GRID2: variants seen among roughly 807,000 people sequenced by gnomAD.
GRID2 encodes glutamate ionotropic receptor delta type subunit 2.
A neutral mutation model predicts 114.8 loss-of-function variants in GRID2; 33 were observed. That is an observed-to-expected ratio of 0.29 (90% confidence interval 0.22 to 0.38). The LOEUF (loss-of-function observed/expected upper bound fraction) is 0.38, where lower values mean the gene tolerates loss of function less well. Ranked by LOEUF, GRID2 falls within the 10% of genes least tolerant of loss-of-function variation. GRID2 has a pLI of 1.00. For missense variants in GRID2, 1,184 were observed against 1,257.7 expected (o/e 0.94, Z 0.89); for synonymous variants, 505 against 449.9 (o/e 1.12, Z -1.55).
chr4:92,388,772 G>A (rs1229424195), intron 1 of GRID2, among the ~76,000 whole-genome samples: 1 of 151,904 alleles, frequency 6.6e-6, no homozygotes, highest in Non-Finnish European at 1.5e-5. Flanking sequence ...AAATAGACTT[G>A]ACCCTCAGTC....
Position 93,803,433 on chromosome 4 carries a change from AC to A in GRID2, c.222-3280del, listed in dbSNP as rs1216143006. Among the ~76,000 whole-genome samples the A allele has an allele frequency of 7.9e-5, 12 of 152,166 alleles. No individual in the cohort carries two copies. In the South Asian group the frequency reaches 1.5e-3, roughly 18 times the overall value. On this transcript the variant is annotated intron_variant, in intron 1 of 1. Coordinates refer to the GRID2 transcript ENST00000637838. ...AAGTTTTTTCTCCCTTCAAAACCAC[AC>A]CTTTTTTGGCCGGGTGCGGTGGCTC...
At chr4:93,160,527 G>A (rs956074831) in intron 4 of GRID2, among the ~76,000 whole-genome samples, 2 of 151,696 alleles carry the variant, frequency 1.3e-5, no homozygotes, top group African/African-American at 2.4e-5. Flanking sequence ...GGTGTTCTGT[G>A]TCCTCCAAGT....
chr4:93,512,177 G>A (rs940082390), intron 12 of GRID2, among the ~76,000 whole-genome samples: 1 of 152,110 alleles, frequency 6.6e-6, no homozygotes, highest in African/African-American at 2.4e-5. Flanking sequence ...GTATATATTA[G>A]ATGCCTATTA....
At chr4:92,803,499 A>G (rs552625883) in intron 2 of GRID2, among the ~76,000 whole-genome samples, 159 of 152,108 alleles carry the variant, frequency 1.0e-3, no homozygotes, top group Non-Finnish European at 1.7e-3. Flanking sequence ...ACTCTTCCTA[A>G]TAATAGGTAG....
intron 2 of GRID2, among the ~76,000 whole-genome samples, chr4:92,802,185 A>G (rs1740204678): frequency 6.6e-6 from 1 of 151,890 alleles, no homozygotes; most frequent in Admixed American, 6.6e-5. Flanking sequence ...GAAGGCACAG[A>G]GATTTTCCAT....
At chr4:92,793,983 T>C (rs932480414) in intron 2 of GRID2, among the ~76,000 whole-genome samples, 1 of 151,882 alleles carries the variant, frequency 6.6e-6, no homozygotes, top group Non-Finnish European at 1.5e-5. Context: ...GGTAGGGAAT[T>C]AGTCACACAT....
intron 1 of GRID2, among the ~76,000 whole-genome samples, chr4:92,457,568 A>G (rs1255051615): frequency 6.6e-6 from 1 of 152,148 alleles, no homozygotes; most frequent in African/African-American, 2.4e-5. Context: ...TCTCATCCTG[A>G]GGAAGGGTAT....
At chr4:92,653,234 G>T (rs1050607649) in intron 2 of GRID2, among the ~76,000 whole-genome samples, 1 of 149,888 alleles carries the variant, frequency 6.7e-6, no homozygotes, top group African/African-American at 2.4e-5. Flanking sequence ...TCCTGATCTC[G>T]TGATCCAGCC....
Position 92,381,867 on chromosome 4 carries a change from C to T in GRID2, c.88+77123C>T, listed in dbSNP as rs556979445. ...TTTTGGCAATGATTAGTTAGCATCCCACTTCATTTCATACTTAGTCATCCA... is the reference window on the plus strand; with the variant it reads ...TTTTGGCAATGATTAGTTAGCATCCTACTTCATTTCATACTTAGTCATCCA... On this transcript the variant is annotated intron_variant, in intron 1 of 15. Coordinates refer to ENST00000282020, the MANE Select transcript of GRID2 (RefSeq NM_001510.4). Among the ~76,000 whole-genome samples, 5 of 152,104 alleles carry T rather than the reference C, an allele frequency of 3.3e-5. No homozygotes were observed. In the South Asian group the frequency reaches 1.0e-3, roughly 32 times the overall value.
At chr4:93,481,555 G>A (rs965246399) in intron 11 of GRID2, among the ~76,000 whole-genome samples, 6 of 151,962 alleles carry the variant, frequency 3.9e-5, no homozygotes, top group African/African-American at 1.2e-4. Context: ...GTATTCATTC[G>A]GAGACTTCAG....
At chr4:92,865,705 T>C (rs563141331) in intron 2 of GRID2, among the ~76,000 whole-genome samples, 2 of 152,354 alleles carry the variant, frequency 1.3e-5, no homozygotes, top group African/African-American at 4.8e-5. Flanking sequence ...CCGTGTGTTT[T>C]TCAAATAAGT....
intron 1 of GRID2, among the ~76,000 whole-genome samples, chr4:92,470,547 C>T (rs1051087495): frequency 1.3e-5 from 2 of 151,838 alleles, no homozygotes; most frequent in African/African-American, 4.8e-5. Context: ...TTAATAGACA[C>T]TATATTTGTC....
chr4:93,728,787 T>C (rs1008761851), intron 14 of GRID2, among the ~76,000 whole-genome samples: 3 of 152,126 alleles, frequency 2.0e-5, no homozygotes, highest in East Asian at 3.9e-4. Context: ...AAGTCTGTTT[T>C]ATCAGAGACT....
intron 13 of GRID2, among the ~76,000 whole-genome samples, chr4:93,542,444 A>G (rs1183422909): frequency 6.6e-6 from 1 of 152,182 alleles, no homozygotes; most frequent in Non-Finnish European, 1.5e-5. Flanking sequence ...ATAGCCAACA[A>G]TTCTGATCGC....
intron 13 of GRID2, among the ~76,000 whole-genome samples, chr4:93,581,939 A>C (rs1560776528): frequency 6.6e-6 from 1 of 152,226 alleles, no homozygotes; most frequent in East Asian, 1.9e-4. Flanking sequence ...TCTTAAAAAC[A>C]TAAGATTTTG....
downstream of GRID2, among the ~76,000 whole-genome samples, chr4:93,775,338 T>G (rs1158937999): frequency 1.3e-5 from 2 of 152,184 alleles, no homozygotes; most frequent in South Asian, 4.1e-4. Flanking sequence ...GTCTTCTTTT[T>G]TAAAACTCTG....
At chr4:92,943,977 G>A (rs1482216796) in intron 2 of GRID2, among the ~76,000 whole-genome samples, 2 of 152,156 alleles carry the variant, frequency 1.3e-5, no homozygotes, top group African/African-American at 4.8e-5. Context: ...GGCCATGTGA[G>A]GTATCAGTCT....
chr4:92,674,030 C>G (rs1351596414), intron 2 of GRID2, among the ~76,000 whole-genome samples: 2 of 152,046 alleles, frequency 1.3e-5, no homozygotes, highest in Admixed American at 6.6e-5. Flanking sequence ...TATTTTTCTT[C>G]TGTATATAAT....
intron 14 of GRID2, among the ~76,000 whole-genome samples, chr4:93,756,295 G>A (rs994180187): frequency 6.6e-5 from 10 of 152,152 alleles, no homozygotes; most frequent in African/African-American, 2.4e-4. Flanking sequence ...GCCCCTAAGT[G>A]ACACCCATCA....
Sources: gnomAD v4.1 joint callset for allele counts (sites outside exome capture counted in the v4.1 genomes callset) on GRCh38, gnomAD v4.1.1 for gene constraint, MANE v1.5 for transcripts, NCBI Gene and HGNC (gene_info 2026-07-23, HGNC 2026-07-21) for gene names.